The following MUTYH variants were observed in gnomAD, a reference collection of about 807,000 sequenced individuals.
MUTYH encodes the protein mutY DNA glycosylase, also known as adenine DNA glycosylase.
MUTYH carries 64 observed loss-of-function variants against 72.9 expected under a neutral mutation model. That is an observed-to-expected ratio of 0.88 (90% CI 0.72 to 1.08). MUTYH has a LOEUF of 1.08. Ranked by LOEUF, MUTYH falls within the 50% of genes least tolerant of loss-of-function variation. The pLI is 0.00. For missense variants in MUTYH, 633 were observed against 671.0 expected (o/e 0.94, Z 0.63); for synonymous variants, 234 against 263.1 (o/e 0.89, Z 1.07).
At position 45,332,681 on chromosome 1, in the gene MUTYH, C is replaced by T. The variant is rs1384803634; in HGVS notation, c.499G>A (p.Glu167Lys). Reference sequence around the variant, plus strand: ...CGTGGCATGTGGCCCCCTAGCTCCTCTACCACCTGATTGGAGTGCAAGACT... The same window carrying T: ...CGTGGCATGTGGCCCCCTAGCTCCTTTACCACCTGATTGGAGTGCAAGACT... ...RLQEGARKVV[E>K]ELGGHMPRTA... Residue 167 changes from glutamate (E) to lysine (K), a missense_variant, in exon 8 of 16, where the codon GAG (glutamate) becomes AAG (lysine). Coordinates refer to ENST00000456914, the MANE Select transcript of MUTYH (RefSeq NM_001048174.2). The T allele has an allele frequency of 1.9e-6, 3 of 1,614,178 alleles. No individual in the cohort carries two copies. Among genetic ancestry groups the T allele is most frequent in the Admixed American group, 3.3e-5 (2 of 60,028 alleles).
At chr1:45,335,539 C>A (rs967695108) in intron 1 of MUTYH, among the ~76,000 whole-genome samples, 4 of 152,036 alleles carry the variant, frequency 2.6e-5, no homozygotes, top group African/African-American at 9.7e-5. Context: ...TCCTCCAATC[C>A]CGTCTAACTG....
In MUTYH at chr1:45,333,269, CA is replaced by C. The variant is rs778157779; in HGVS notation, c.304+15del. The C allele has an allele frequency of 6.2e-7, 1 of 1,614,234 alleles. No homozygotes were observed. The highest frequency in any genetic ancestry group is 8.5e-7 in the Non-Finnish European group (1 of 1,180,034). On this transcript the variant is annotated intron_variant, in intron 4 of 15. Coordinates refer to ENST00000456914, the MANE Select transcript of MUTYH (RefSeq NM_001048174.2). ...CCTCGAGGCAAAGTGGCCCTGCTCT[CA>C]GGAGATGTACTGACCAGCATATGCC...
chr1:45,331,051 C>G, intron 14 of MUTYH, 131 bp downstream of exon 14: 1 of 1,293,646 alleles, frequency 7.7e-7, no homozygotes, highest in Non-Finnish European at 1.1e-6. Context: ...CGCCATTGCA[C>G]TCCAGCCTGG....
At position 45,333,461 on chromosome 1, in the gene MUTYH, C is replaced by T. The variant is rs766958451; in HGVS notation, c.216G>A (p.Leu72=). ...GTTTCTCTTGGTCGTACCAGCTTAG[C>T]AGGCTCCCTCGGAAGGCTGTGACTT... ...VAEVTAFRGS[L]LSWYDQEKRD... Residue 72 remains leucine, a synonymous_variant, in exon 3 of 16, where the codon CTG becomes CTA. Coordinates refer to ENST00000456914, the MANE Select transcript of MUTYH (RefSeq NM_001048174.2). The T allele has an allele frequency of 1.7e-5, 28 of 1,614,144 alleles. No individual in the cohort carries two copies. Among genetic ancestry groups the T allele is most frequent in the Non-Finnish European group, 2.3e-5 (27 of 1,180,042 alleles).
chr1:45,329,347 T>G lies in MUTYH; in HGVS notation c.1525A>C (p.Ile509Leu), dbSNP rs757615745. Residue 509 changes from isoleucine (I) to leucine (L), a missense_variant, in exon 16 of 16, where the codon ATC (isoleucine) becomes CTC (leucine). By Grantham distance (5) the Ile-to-Leu change is conservative. Coordinates refer to ENST00000456914, the MANE Select transcript of MUTYH (RefSeq NM_001048174.2). ...QVLDNFFRSH[I>L]STDAHSLNSA... ...TTGAGGCTGTGTGCATCAGTGGAGA[T>G]GTGAGACCGAAAGAAATTATCCAGG... 5.6e-6 allele frequency: 9 copies of G among 1,614,182 alleles called. No individual in the cohort carries two copies. The East Asian group carries it at 2.0e-4, about 36-fold the overall frequency.
Position 45,332,326 on chromosome 1 carries a change from A to G in MUTYH, c.705-16T>C. ...GGCTAGACCCCTAAAAGAAGGGAAC[A>G]CTGCTGTGAAGCAGAGCTCCTTTGC... On this transcript the variant is annotated splice_polypyrimidine_tract_variant and intron_variant, in intron 9 of 15. Coordinates refer to ENST00000456914, the MANE Select transcript of MUTYH (RefSeq NM_001048174.2). 1 of 1,614,062 alleles carries G rather than the reference A, an allele frequency of 6.2e-7. No individual in the cohort carries two copies. Among genetic ancestry groups the G allele is most frequent in the Non-Finnish European group, 8.5e-7 (1 of 1,180,000 alleles).
chr1:45,336,691 T>C (rs1399237172), intron 1 of MUTYH, among the ~76,000 whole-genome samples: 3 of 152,184 alleles, frequency 2.0e-5, no homozygotes, highest in Non-Finnish European at 4.4e-5. Flanking sequence ...GCTGACTCCT[T>C]TTTTTCAGAC....
Position 45,331,847 on chromosome 1 carries a change from G to C in MUTYH, c.916C>G (p.Pro306Ala), listed in dbSNP as rs587778537. 28 of 1,601,924 alleles carry C rather than the reference G, an allele frequency of 1.7e-5. No homozygotes were observed. The highest frequency in any genetic ancestry group is 5.2e-5 in the Admixed American group (3 of 58,186). ...CACAGGTGGCACTGTCCAGTGTTGG[G>C]AGCTGGGAACGGAGATCCCCGAACC... Reference protein sequence around the residue: ...SGSPDVEECAPNTGQCHLCLP... With the variant: ...SGSPDVEECAANTGQCHLCLP... Residue 306 changes from proline to alanine, a missense_variant and splice_region_variant, in exon 12 of 16, where the codon CCC (proline) becomes GCC (alanine). Transcript: ENST00000456914.
intron 1 of MUTYH, 142 bp downstream of exon 1, chr1:45,339,756 TG>T: frequency 9.3e-7 from 1 of 1,074,534 alleles, no homozygotes; most frequent in Non-Finnish European, 1.3e-6. Context: ...CCATCCTCTC[TG>T]GGAATTTACC....
Position 45,332,285 on chromosome 1 carries a change from G to A in MUTYH, c.730C>T (p.Pro244Ser), listed in dbSNP as rs786201772. 8 of 1,614,028 alleles carry A rather than the reference G, an allele frequency of 5.0e-6. No homozygotes were observed. The highest frequency in any genetic ancestry group is 6.8e-6 in the Non-Finnish European group (8 of 1,179,978). ...LWGLAQQLVD[P>S]ARPGDFNQAA... is the part of the protein sequence containing the mutation. Reference sequence around the variant, plus strand: ...TGGTTGAAATCTCCTGGCCGGGCTGGGTCCACCAGCTGCTGGGCTAGACCC... The same window carrying A: ...TGGTTGAAATCTCCTGGCCGGGCTGAGTCCACCAGCTGCTGGGCTAGACCC... The change falls in exon 10 of 16, where the codon CCA (proline) becomes TCA (serine). Residue 244 changes from proline (P) to serine (S), a missense_variant. Transcript: ENST00000456914.
intron 1 of MUTYH, among the ~76,000 whole-genome samples, chr1:45,336,865 T>C (rs192111249): frequency 5.1e-4 from 78 of 152,318 alleles, no homozygotes; most frequent in African/African-American, 1.8e-3. Context: ...AATCACTTTA[T>C]GGTTCTCCCA....
intron 1 of MUTYH, chr1:45,338,192 G>A (rs1455663587): frequency 1.9e-6 from 1 of 524,770 alleles, no homozygotes; most frequent in East Asian, 4.1e-5. Context: ...GTACCTTATA[G>A]GCCATTGGAG....
At chr1:45,335,572 C>T (rs901248043) in intron 1 of MUTYH, among the ~76,000 whole-genome samples, 1 of 152,084 alleles carries the variant, frequency 6.6e-6, no homozygotes, top group East Asian at 1.9e-4. Context: ...AACTAATACC[C>T]CAGGCCAGGC....
Position 45,331,243 on chromosome 1 carries a change from C to G in MUTYH, c.1331G>C (p.Gly444Ala). The G allele has an allele frequency of 1.2e-6, 2 of 1,614,226 alleles. No homozygotes were observed. The highest frequency in any genetic ancestry group is 8.5e-7 in the Non-Finnish European group (1 of 1,180,044). ...GQTPVTTVPPGARWLTQEEFH... is the reference protein window; with the variant it reads ...GQTPVTTVPPAARWLTQEEFH... ...TTCCTCCTGCGTCAGCCAGCGAGCA[C>G]CTGGTGGTACGGTGGTCACTGGGGT... Residue 444 changes from glycine (G) to alanine (A), a missense_variant, in exon 14 of 16, where the codon GGT becomes GCT. Coordinates refer to ENST00000456914, the MANE Select transcript of MUTYH (RefSeq NM_001048174.2).
chr1:45,334,042 T>C, intron 2 of MUTYH: 1 of 384,170 alleles, frequency 2.6e-6, no homozygotes, highest in Admixed American at 3.9e-5. Flanking sequence ...AGTCTGGCTC[T>C]GTTGCCCAGA....
chr1:45,337,617 TA>T (rs1329443854), intron 1 of MUTYH, among the ~76,000 whole-genome samples: 2 of 152,120 alleles, frequency 1.3e-5, no homozygotes, highest in African/African-American at 4.8e-5. Flanking sequence ...CTCAACACTG[TA>T]ATCCTGCTAC....
In MUTYH at chr1:45,334,212, C is replaced by T. The variant is rs749363748; in HGVS notation, c.115+179G>A. The T allele has an allele frequency of 1.6e-4, 137 of 869,284 alleles. 1 individual carries two copies. The highest frequency in any genetic ancestry group is 2.3e-4 in the Non-Finnish European group (129 of 554,328). The allele number at this position is 869,284 out of a possible 1,614,324, so 53.8% of individuals were successfully genotyped here. On this transcript the variant is annotated intron_variant, in intron 2 of 15. Coordinates refer to ENST00000456914, the MANE Select transcript of MUTYH (RefSeq NM_001048174.2). ...CCATGTTACCCAAGCTGGTCTCAAA[C>T]TCCTGGGCTCAAGGGATCCACCTGC...
intron 1 of MUTYH, among the ~76,000 whole-genome samples, chr1:45,335,033 G>A (rs1366914247): frequency 6.6e-6 from 1 of 152,172 alleles, no homozygotes. Flanking sequence ...ATCAGTGGGA[G>A]AACAGAGATT....
At chr1:45,330,467 T>C (rs1167497527) in intron 15 of MUTYH, 49 bp downstream of exon 15, 1 of 1,574,046 alleles carries the variant, frequency 6.4e-7, no homozygotes, top group Non-Finnish European at 8.7e-7. Context: ...TAAAAACCTA[T>C]GGACTCAGGC....
Sources: allele counts gnomAD v4.1 joint callset (sites outside exome capture counted in the v4.1 genomes callset), GRCh38; gene constraint gnomAD v4.1.1; transcripts MANE v1.5; gene names NCBI Gene and HGNC (gene_info 2026-07-23, HGNC 2026-07-21).